WDR19: variants seen among roughly 807,000 people sequenced by gnomAD.
The protein encoded by WDR19 is WD repeat-containing protein 19.
In WDR19, 121 loss-of-function variants were observed where a neutral mutation model predicts 180.0. The ratio of observed to expected loss-of-function variants is 0.67; its 90% CI spans 0.58 to 0.78. The LOEUF is 0.78. WDR19 is among the 30% of genes least tolerant of loss of function. The pLI is 0.00. For synonymous variants in WDR19, 497 were observed against 540.7 expected (o/e 0.92, Z 1.12); for missense variants, 1,450 against 1,640.7 (o/e 0.88, Z 2.01).
intron 32 of WDR19, 114 bp from the exon 33 acceptor site, chr4:39,274,694 G>A (rs1253689966): frequency 3.9e-6 from 5 of 1,296,198 alleles, no homozygotes; most frequent in Non-Finnish European, 5.3e-6. Context: ...TGCAGAAAAA[G>A]CAAAGTTCAG....
intron 28 of WDR19, among the ~76,000 whole-genome samples, chr4:39,261,785 G>T (rs1039043672): frequency 5.3e-5 from 8 of 152,182 alleles, no homozygotes; most frequent in African/African-American, 1.9e-4. Flanking sequence ...TTAGTATTCT[G>T]TAATCCCACA....
chr4:39,239,872 T>C (rs1731735025), intron 20 of WDR19, among the ~76,000 whole-genome samples: 1 of 152,216 alleles, frequency 6.6e-6, no homozygotes. Flanking sequence ...TTAAATCTTG[T>C]ATTTGTAAAT....
chr4:39,217,269 G>T (rs369031869), intron 13 of WDR19, 29 bp downstream of exon 13: 1 of 1,493,554 alleles, frequency 6.7e-7, no homozygotes, highest in Admixed American at 1.9e-5. Flanking sequence ...TCCTGGAGAC[G>T]CGCTAAGTTA....
intron 13 of WDR19, 30 bp downstream of exon 13, chr4:39,217,270 C>T (rs763363922): frequency 3.0e-5 from 44 of 1,486,568 alleles, no homozygotes; most frequent in African/African-American, 5.5e-5. Flanking sequence ...CCTGGAGACG[C>T]GCTAAGTTAT....
chr4:39,185,663 C>T (rs1208923510), intron 1 of WDR19, 63 bp from the exon 2 acceptor site: 7 of 1,453,760 alleles, frequency 4.8e-6, no homozygotes, highest in Non-Finnish European at 5.7e-6. Flanking sequence ...TGTTTTGATA[C>T]CTTTTCTGAT....
intron 36 of WDR19, among the ~76,000 whole-genome samples, chr4:39,283,340 AT>A (rs1319786340): frequency 2.6e-5 from 4 of 151,958 alleles, no homozygotes; most frequent in African/African-American, 9.7e-5. Context: ...AATATTGAGA[AT>A]ATTGTGTCTG....
intron 24 of WDR19, among the ~76,000 whole-genome samples, chr4:39,246,473 G>C (rs1368912661): frequency 6.6e-6 from 1 of 152,232 alleles, no homozygotes; most frequent in Admixed American, 6.5e-5. Context: ...GAGGTACCGG[G>C]TTCATCTCAC....
Position 39,228,754 on chromosome 4 carries a change from C to T in WDR19, c.1982+64C>T, listed in dbSNP as rs183496954. ...CTTTTGTGATTTTAAAGGTCAAATC[C>T]TATAATTATTCTATCTTATTTTATT... On this transcript the variant is annotated intron_variant, in intron 17 of 36. Coordinates refer to ENST00000399820, the MANE Select transcript of WDR19 (RefSeq NM_025132.4). The T allele has an allele frequency of 2.1e-6, 3 of 1,432,250 alleles. No homozygotes were observed. In the African/African-American group the frequency reaches 4.3e-5, roughly 20 times the overall value. 88.7% of individuals were successfully genotyped at this position (1,432,250 alleles called of 1,614,324 possible).
intron 24 of WDR19, among the ~76,000 whole-genome samples, chr4:39,249,170 A>G (rs1342619988): frequency 6.6e-6 from 1 of 151,606 alleles, no homozygotes; most frequent in Non-Finnish European, 1.5e-5. Flanking sequence ...CAATCAAACT[A>G]GAACTCAGGA....
chr4:39,207,271 C>T (rs1419938193), intron 9 of WDR19, among the ~76,000 whole-genome samples: 1 of 152,078 alleles, frequency 6.6e-6, no homozygotes, highest in Admixed American at 6.6e-5. Context: ...AATATCCAAT[C>T]TGAACATGGA....
chr4:39,256,716 G>A (rs559525048), intron 27 of WDR19, among the ~76,000 whole-genome samples: 10 of 152,226 alleles, frequency 6.6e-5, no homozygotes, highest in African/African-American at 2.2e-4. Context: ...AATTTCCATA[G>A]TTTGACCAAC....
Position 39,188,252 on chromosome 4 carries a change from CAGAAA to C in WDR19, c.165-1396_165-1392del, listed in dbSNP as rs1725768495. ...TTAATACCAAGATGAAAAATAACAT[CAGAAA>C]AGAAAAGGTAAATATTTTTATTAAG... On this transcript the variant is annotated intron_variant, in intron 3 of 36. Transcript: ENST00000399820. 3.3e-5 allele frequency among the ~76,000 whole-genome samples: 5 copies of C among 151,686 alleles called. No homozygotes were observed. In the South Asian group the frequency reaches 1.0e-3, roughly 32 times the overall value.
chr4:39,257,509 C>T lies in WDR19; in HGVS notation c.3138C>T (p.Cys1046=). ...AGGCACTTAAACACTTCCTGAAATG[C>T]CCAAGCTCGGAAGATAATGTGGCAA... ...YSRALKHFLK[C]PSSEDNVAIE... The change falls in exon 28 of 37, where the codon TGC becomes TGT. Residue 1046 remains cysteine, a synonymous_variant. Coordinates refer to ENST00000399820, the MANE Select transcript of WDR19 (RefSeq NM_025132.4). 1.3e-6 allele frequency: 2 copies of T among 1,587,852 alleles called. No individual in the cohort carries two copies. Among genetic ancestry groups the T allele is most frequent in the African/African-American group, 1.3e-5 (1 of 74,530 alleles).
rs867485562 is a variant in WDR19 at position 39,270,152 on chromosome 4, A to T, written c.3483+52A>T. On this transcript the variant is annotated intron_variant, in intron 31 of 36. Coordinates refer to ENST00000399820, the MANE Select transcript of WDR19 (RefSeq NM_025132.4). ...ATAACCTGCCAGGTGTTTGTCCCCC[A>T]TTGAGATTTTCTCCAGGCCCTTCTC... 39 of 1,604,088 alleles carry T rather than the reference A, an allele frequency of 2.4e-5. No homozygotes were observed. In the South Asian group the frequency reaches 4.0e-4, roughly 16 times the overall value.
intron 4 of WDR19, among the ~76,000 whole-genome samples, chr4:39,192,456 C>T (rs564198364): frequency 6.6e-6 from 1 of 152,152 alleles, no homozygotes; most frequent in Non-Finnish European, 1.5e-5. Context: ...AATTGTAGCA[C>T]AGTTGTTTTT....
At chr4:39,244,649 C>A in intron 23 of WDR19, 97 bp downstream of exon 23, 3 of 1,297,220 alleles carry the variant, frequency 2.3e-6, no homozygotes, top group Non-Finnish European at 2.2e-6. Context: ...TCTCTCTGTC[C>A]ATTCTGTTCC....
intron 4 of WDR19, among the ~76,000 whole-genome samples, chr4:39,193,683 C>T (rs1726413268): frequency 6.6e-6 from 1 of 152,214 alleles, no homozygotes; most frequent in Non-Finnish European, 1.5e-5. Flanking sequence ...TTTATCACTG[C>T]CCTCAACATT....
intron 33 of WDR19, among the ~76,000 whole-genome samples, chr4:39,275,920 G>A (rs976208617): frequency 5.3e-5 from 8 of 152,172 alleles, no homozygotes; most frequent in Admixed American, 3.3e-4. Context: ...CCTTAGGCAC[G>A]TCCTTGCTTC....
intron 6 of WDR19, 103 bp from the exon 7 acceptor site, chr4:39,203,539 C>T: frequency 1.1e-6 from 1 of 949,824 alleles, no homozygotes; most frequent in Non-Finnish European, 1.6e-6. Flanking sequence ...GGTTCTTAGT[C>T]CAACATTAGT....
Sources: allele counts gnomAD v4.1 joint callset (sites outside exome capture counted in the v4.1 genomes callset), GRCh38; gene constraint gnomAD v4.1.1; transcripts MANE v1.5; gene names NCBI Gene and HGNC (gene_info 2026-07-23, HGNC 2026-07-21).